Variants in PRKN observed in about 807,000 individuals in gnomAD.
PRKN encodes the protein parkin RBR E3 ubiquitin protein ligase, also known as E3 ubiquitin-protein ligase parkin.
PRKN carries 56 observed loss-of-function variants against 59.5 expected under a neutral mutation model. The ratio of observed to expected loss-of-function variants is 0.94; its 90% CI spans 0.76 to 1.18. The LOEUF (loss-of-function observed/expected upper bound fraction) is 1.18. PRKN is among the 50% of genes most tolerant of loss of function. The pLI, the probability that PRKN is intolerant of heterozygous loss-of-function variation, is 0.00. For synonymous variants in PRKN, 250 were observed against 222.1 expected, an observed-to-expected ratio of 1.13 and a Z score of -1.12; for missense variants, 657 against 596.4, an observed-to-expected ratio of 1.10 and a Z score of -1.06.
chr6:161,844,727 C>A (rs1270025572), intron 6 of PRKN, among the ~76,000 whole-genome samples: 6 of 152,226 alleles, frequency 3.9e-5, no homozygotes, highest in African/African-American at 1.4e-4. Context: ...GAGGAAATGT[C>A]AATGCAAAAC....
rs371146565 is a variant in PRKN, at chr6:161,487,157, G to T, written c.1083+61697C>A. Among the ~76,000 whole-genome samples, 3 of 152,214 alleles carry T rather than the reference G, an allele frequency of 2.0e-5. No individual in the cohort carries two copies. Among genetic ancestry groups the T allele is most frequent in the African/African-American group, 7.2e-5 (3 of 41,458 alleles). ...ATTGCCTGATAAACACTGTGCCCAGGACTGTATATGGATCATGTTTAATCC... is the reference window on the plus strand; with the variant it reads ...ATTGCCTGATAAACACTGTGCCCAGTACTGTATATGGATCATGTTTAATCC... On this transcript the variant is annotated intron_variant, in intron 9 of 11. Transcript: ENST00000366898. This position sits in a 1 kb window ranked among gnomAD's most constrained non-coding sequence, Gnocchi z 5.3.
At chr6:161,900,833 G>C (rs1392535021) in intron 6 of PRKN, among the ~76,000 whole-genome samples, 1 of 131,798 alleles carries the variant, frequency 7.6e-6, no homozygotes, top group Non-Finnish European at 1.6e-5. Context: ...ATTATGTATT[G>C]TATATTATAT....
intron 7 of PRKN, among the ~76,000 whole-genome samples, chr6:161,724,473 T>C (rs1417697895): frequency 6.6e-6 from 1 of 152,210 alleles, no homozygotes; most frequent in Non-Finnish European, 1.5e-5. Context: ...ATAGTGTGAA[T>C]TGGAAAGCTG....
chr6:161,437,901 A>T (rs922379825), intron 9 of PRKN, among the ~76,000 whole-genome samples: 1 of 152,188 alleles, frequency 6.6e-6, no homozygotes, highest in Non-Finnish European at 1.5e-5. Flanking sequence ...GAACACTAGT[A>T]TATCTACCAA....
At position 161,895,988 on chromosome 6, in the gene PRKN, T is replaced by C. The variant is rs142122626; in HGVS notation, c.734+77314A>G. On this transcript the variant is annotated intron_variant, in intron 6 of 11. Coordinates refer to ENST00000366898, the MANE Select transcript of PRKN (RefSeq NM_004562.3). ...CTGGTGGGAAGTGAACAAGTAAAGC[T>C]AAGGGGCTAGAGACCACCTTGTTAT... is the stretch of plus-strand genomic sequence containing the variant. 2.0e-3 allele frequency among the ~76,000 whole-genome samples: 297 copies of C among 152,190 alleles called. 1 individual carries two copies. Among genetic ancestry groups the C allele is most frequent in the African/African-American group, 6.5e-3 (269 of 41,504 alleles).
At chr6:161,479,443 T>C (rs983442289) in intron 9 of PRKN, among the ~76,000 whole-genome samples, 1 of 152,188 alleles carries the variant, frequency 6.6e-6, no homozygotes, top group Non-Finnish European at 1.5e-5. Context: ...CTTGAATGTG[T>C]TATAATAATA....
chr6:162,097,692 C>T (rs889685816), intron 4 of PRKN, among the ~76,000 whole-genome samples: 1 of 152,116 alleles, frequency 6.6e-6, no homozygotes, highest in Non-Finnish European at 1.5e-5. Context: ...AGCACACAGC[C>T]CCCAAAGCAT....
intron 9 of PRKN, among the ~76,000 whole-genome samples, chr6:161,408,838 C>G (rs1335039269): frequency 1.3e-5 from 2 of 152,162 alleles, no homozygotes; most frequent in African/African-American, 2.4e-5. Flanking sequence ...CCAATGAAAT[C>G]TTATCTAAAA....
At chr6:161,774,378 C>G (rs997252194) in intron 7 of PRKN, among the ~76,000 whole-genome samples, 2 of 125,692 alleles carry the variant, frequency 1.6e-5, no homozygotes, top group African/African-American at 6.1e-5. Context: ...TTTCTACTCC[C>G]TGAGCACACA....
At position 161,348,614 on chromosome 6, in the gene PRKN, T is replaced by C. The variant is rs1439144247; in HGVS notation, c.*1485A>G. On this transcript the variant is annotated 3_prime_UTR_variant, in exon 12 of 12. Transcript: ENST00000366898. This position sits in a 1 kb window ranked among gnomAD's most constrained non-coding sequence, Gnocchi z 4.9. ...CCAGGATGTGGAAAACTTGAGTTCATCCCCTCTCTTCCCTCCAGCAAGGAT... is the reference window on the plus strand; with the variant it reads ...CCAGGATGTGGAAAACTTGAGTTCACCCCCTCTCTTCCCTCCAGCAAGGAT... 1 of 207,850 alleles carries C rather than the reference T, an allele frequency of 4.8e-6. No individual in the cohort carries two copies. The highest frequency in any genetic ancestry group is 9.8e-6 in the Non-Finnish European group (1 of 102,034). The allele number at this position is 207,850 out of a possible 1,614,324, so 12.9% of individuals were successfully genotyped here. A position where few individuals can be genotyped will look rare whatever the true frequency, so the allele number is the denominator to read the frequency against.
intron 7 of PRKN, among the ~76,000 whole-genome samples, chr6:161,608,702 T>G (rs1001520800): frequency 2.0e-5 from 3 of 151,602 alleles, no homozygotes; most frequent in African/African-American, 7.3e-5. Context: ...CCGGCTAATT[T>G]TTTTTTTTTT....
intron 6 of PRKN, among the ~76,000 whole-genome samples, chr6:161,890,443 G>A (rs544420444): frequency 1.1e-3 from 160 of 152,258 alleles, no homozygotes; most frequent in Admixed American, 3.9e-3. Flanking sequence ...GTTCCACAAC[G>A]GAGACGAGAG....
At chr6:162,116,081 T>G (rs999976791) in intron 4 of PRKN, among the ~76,000 whole-genome samples, 1 of 152,186 alleles carries the variant, frequency 6.6e-6, no homozygotes, top group Non-Finnish European at 1.5e-5. Context: ...CAGATCAAAT[T>G]TACCCTTCAG....
rs1485065866 is a variant in PRKN, at chr6:161,629,614, C to T, written c.872-60198G>A. On this transcript the variant is annotated intron_variant, in intron 7 of 11. Transcript: ENST00000366898. Reference sequence around the variant, plus strand: ...ACCTCCCACCTCCTGTCTTGCCCTTCCCAGGCTGGCCCTGAACCACGGACG... The same window carrying T: ...ACCTCCCACCTCCTGTCTTGCCCTTTCCAGGCTGGCCCTGAACCACGGACG... Among the ~76,000 whole-genome samples the T allele has an allele frequency of 3.9e-5, 6 of 152,166 alleles. No homozygotes were observed. The East Asian group carries it at 7.7e-4, about 20-fold the overall frequency.
Position 161,414,755 on chromosome 6 carries a change from C to T in PRKN, c.1084-27878G>A, listed in dbSNP as rs2115013209. Among the ~76,000 whole-genome samples, 1 of 152,258 alleles carries T rather than the reference C, an allele frequency of 6.6e-6. No homozygotes were observed. Among genetic ancestry groups the T allele is most frequent in the South Asian group, 2.1e-4 (1 of 4,826 alleles). On this transcript the variant is annotated intron_variant, in intron 9 of 11. Coordinates refer to ENST00000366898, the MANE Select transcript of PRKN (RefSeq NM_004562.3). The surrounding 1 kb of genome is among the most constrained non-coding windows in gnomAD (Gnocchi z 5.3). Reference sequence around the variant, plus strand: ...GGCATGAAAGGCACATTATGCTTCTCCACCAGAGGAGGGTCTCCGCAGGCA... The same window carrying T: ...GGCATGAAAGGCACATTATGCTTCTTCACCAGAGGAGGGTCTCCGCAGGCA...
At chr6:161,860,386 A>G (rs1366100079) in intron 6 of PRKN, among the ~76,000 whole-genome samples, 7 of 152,210 alleles carry the variant, frequency 4.6e-5, no homozygotes. Context: ...AGAGACTAGG[A>G]CACTTGGTGA....
chr6:161,802,687 A>G (rs919677159), intron 6 of PRKN, among the ~76,000 whole-genome samples: 1 of 152,178 alleles, frequency 6.6e-6, no homozygotes, highest in East Asian at 1.9e-4. Context: ...ACATTCCCAC[A>G]TTCCCAATTC....
At position 161,421,123 on chromosome 6, in the gene PRKN, G is replaced by A. The variant is rs80325794; in HGVS notation, c.1084-34246C>T. On this transcript the variant is annotated intron_variant, in intron 9 of 11. Coordinates refer to ENST00000366898, the MANE Select transcript of PRKN (RefSeq NM_004562.3). ...TTGAGTGATGATGTAAGAAAATCAT[G>A]TGAAGTTCACCTGGGTGAGCCTTTA... Among the ~76,000 whole-genome samples, 1,425 of 152,280 alleles carry A rather than the reference G, an allele frequency of 9.4e-3. 21 individuals carry two copies. Among genetic ancestry groups the A allele is most frequent in the African/African-American group, 0.033 (1,374 of 41,520 alleles).
intron 6 of PRKN, among the ~76,000 whole-genome samples, chr6:161,826,588 C>T (rs1792254263): frequency 6.6e-6 from 1 of 152,194 alleles, no homozygotes; most frequent in South Asian, 2.1e-4. Context: ...AGGTGACCAA[C>T]CCATCTCAGA....
Sources: gnomAD v4.1 joint callset for allele counts (sites outside exome capture counted in the v4.1 genomes callset) on GRCh38, gnomAD v4.1.1 for gene constraint, Gnocchi (gnomAD v3.1) non-coding constraint, MANE v1.5 for transcripts, NCBI Gene and HGNC (gene_info 2026-07-23, HGNC 2026-07-21) for gene names.